Variants in DPY30 observed in about 807,000 individuals in gnomAD.
DPY30 encodes the protein dpy-30 histone methyltransferase complex regulatory subunit.
In DPY30, 6 loss-of-function variants were observed where a neutral mutation model predicts 16.2. The observed-to-expected ratio is 0.37, with a 90% CI of 0.20 to 0.73. The LOEUF is 0.73. DPY30 is among the 30% of genes least tolerant of loss of function. The pLI, the probability that DPY30 is intolerant of heterozygous loss-of-function variation, is 0.51. For missense variants in DPY30, 73 were observed against 113.1 expected, an observed-to-expected ratio of 0.65 and a Z score of 1.61; for synonymous variants, 39 against 38.8, an observed-to-expected ratio of 1.00 and a Z score of -0.02.
chr2:32,037,486 T>C (rs1041089589), intron 3 of DPY30, among the ~76,000 whole-genome samples: 2 of 152,036 alleles, frequency 1.3e-5, no homozygotes, highest in Non-Finnish European at 2.9e-5. Flanking sequence ...TTCTATTTTT[T>C]TGTAGAAACA....
chr2:32,034,149 C>T (rs932954240), intron 3 of DPY30, among the ~76,000 whole-genome samples: 2 of 152,172 alleles, frequency 1.3e-5, no homozygotes, highest in African/African-American at 4.8e-5. Context: ...TATTGCCTTC[C>T]AGTCTTCAGG....
downstream of DPY30, chr2:32,021,243 G>A (rs1431497596): frequency 6.6e-6 from 1 of 152,288 alleles, no homozygotes; most frequent in Non-Finnish European, 1.5e-5. Flanking sequence ...GGGCGACAGA[G>A]CGAGACTCCG....
intron 3 of DPY30, among the ~76,000 whole-genome samples, chr2:32,031,122 A>G (rs147651678): frequency 5.9e-5 from 9 of 152,284 alleles, no homozygotes; most frequent in Non-Finnish European, 1.0e-4. Flanking sequence ...TTTAAAACTA[A>G]TGTATTAAAA....
chr2:32,012,782 GATTACATGGTACTGTTCTGACAGTAC>G (rs1321767440), intron 5 of DPY30, among the ~76,000 whole-genome samples: 1 of 152,102 alleles, frequency 6.6e-6, no homozygotes, highest in Non-Finnish European at 1.5e-5. Context: ...CTTGAGCTCT[GATTACATGGTACTGTTCTGACAGTAC>G]CAAAACTCAG....
chr2:32,039,594 T>C (rs1210370258), intron 1 of DPY30, 102 bp from the exon 2 acceptor site: 1 of 1,142,384 alleles, frequency 8.8e-7, no homozygotes, highest in African/African-American at 1.5e-5. Context: ...CACCCCCACC[T>C]GGGCGCGGGA....
Position 32,039,764 on chromosome 2 carries a change from T to C in DPY30, c.-68A>G, listed in dbSNP as rs1675895972. Reference sequence around the variant, plus strand: ...CCAAGCCGTTCGTTCTTAAGAGCCCTGCACCGCGCCACCAGCTCCCAGCAC... The same window carrying C: ...CCAAGCCGTTCGTTCTTAAGAGCCCCGCACCGCGCCACCAGCTCCCAGCAC... On this transcript the variant is annotated 5_prime_UTR_variant, in exon 1 of 5. Coordinates refer to ENST00000342166, the MANE Select transcript of DPY30 (RefSeq NM_001321209.2). 4.5e-5 allele frequency: 21 copies of C among 466,664 alleles called. No homozygotes were observed. In the South Asian group the frequency reaches 5.3e-4, roughly 12 times the overall value. 28.9% of individuals were successfully genotyped at this position (466,664 alleles called of 1,614,324 possible).
rs577730956 is a variant in DPY30, at chr2:32,030,079, A to T, written c.85-343T>A. On this transcript the variant is annotated intron_variant, in intron 3 of 4. Transcript: ENST00000342166. ...AGTGTGTTCCCAAAAAAAAAAAAAA[A>T]AAATAATGAATGTAACACCAAACAG... is the stretch of plus-strand genomic sequence containing the variant. 1.4e-3 allele frequency among the ~76,000 whole-genome samples: 207 copies of T among 150,252 alleles called. 1 individual carries two copies. The highest frequency in any genetic ancestry group is 0.012 in the East Asian group (62 of 5,140).
chr2:32,017,520 G>A (rs1025437394), intron 5 of DPY30, among the ~76,000 whole-genome samples: 5 of 151,622 alleles, frequency 3.3e-5, no homozygotes, highest in South Asian at 2.1e-4. Flanking sequence ...GGGAGGCTGA[G>A]GCAGAAGAAG....
At chr2:32,035,307 T>C (rs1360922173) in intron 3 of DPY30, among the ~76,000 whole-genome samples, 1 of 151,426 alleles carries the variant, frequency 6.6e-6, no homozygotes, top group Non-Finnish European at 1.5e-5. Context: ...AATAAATAAA[T>C]AAACAAAAAC....
chr2:32,024,592 A>T (rs995294193), intron 4 of DPY30, among the ~76,000 whole-genome samples: 2 of 152,194 alleles, frequency 1.3e-5, no homozygotes, highest in African/African-American at 4.8e-5. Flanking sequence ...TGCTGGCAGT[A>T]TTCAGTTTCT....
Position 32,024,100 on chromosome 2 carries a change from A to T in DPY30, c.*84T>A. 1 of 1,548,276 alleles carries T rather than the reference A, an allele frequency of 6.5e-7. No homozygotes were observed. Among genetic ancestry groups the T allele is most frequent in the Non-Finnish European group, 8.7e-7 (1 of 1,149,752 alleles). On this transcript the variant is annotated 3_prime_UTR_variant, in exon 5 of 5. Coordinates refer to ENST00000342166, the MANE Select transcript of DPY30 (RefSeq NM_001321209.2). ...GGAAGGTTCTTATACATCCAAAAAG[A>T]GGGAATGATCATGGCAATTAAAGCT... is the stretch of plus-strand genomic sequence containing the variant.
At chr2:32,029,556 T>G in intron 4 of DPY30, 38 bp downstream of exon 4, 2 of 1,603,182 alleles carry the variant, frequency 1.2e-6, no homozygotes, top group African/African-American at 1.3e-5. Context: ...CTATTTTGCT[T>G]TCTTTACTAA....
chr2:32,036,901 C>A (rs1218864926), intron 3 of DPY30, among the ~76,000 whole-genome samples: 2 of 151,848 alleles, frequency 1.3e-5, no homozygotes. Context: ...CCAAGACACG[C>A]CACAACCAAA....
intron 4 of DPY30, among the ~76,000 whole-genome samples, chr2:32,027,531 CAAA>C (rs370515191): frequency 1.2e-4 from 8 of 68,868 alleles, no homozygotes; most frequent in Admixed American, 1.7e-4. Flanking sequence ...AACTCTGTCT[CAAA>C]AAAAAAAAAA....
chr2:32,021,481 C>G (rs1234087054), downstream of DPY30, among the ~76,000 whole-genome samples: 1 of 151,886 alleles, frequency 6.6e-6, no homozygotes, highest in African/African-American at 2.4e-5. Context: ...AGTTCAAGAC[C>G]AGCCTGGCCA....
At chr2:32,017,987 G>C (rs1319072441) in intron 5 of DPY30, among the ~76,000 whole-genome samples, 2 of 152,126 alleles carry the variant, frequency 1.3e-5, no homozygotes, top group Non-Finnish European at 2.9e-5. Context: ...GACAAAGCTA[G>C]GAGGTGCCAT....
At chr2:32,034,367 C>T (rs938617467) in intron 3 of DPY30, among the ~76,000 whole-genome samples, 5 of 152,110 alleles carry the variant, frequency 3.3e-5, no homozygotes, top group African/African-American at 7.2e-5. Context: ...AGCAATGAAT[C>T]GTGACAGAGA....
Position 32,029,448 on chromosome 2 carries a change from T to C in DPY30, c.227+146A>G, listed in dbSNP as rs189032488. On this transcript the variant is annotated intron_variant, in intron 4 of 4. Coordinates refer to ENST00000342166, the MANE Select transcript of DPY30 (RefSeq NM_001321209.2). ...GGAAAAAATTTAAATGTCTGAATTA[T>C]GAGATTATGGCTGAATACTTTCTTA... The C allele has an allele frequency of 9.8e-6, 9 of 922,472 alleles. No homozygotes were observed. In the East Asian group the frequency reaches 1.8e-4, roughly 19 times the overall value. The allele number at this position is 922,472 out of a possible 1,614,324, so 57.1% of individuals were successfully genotyped here. A position where few individuals can be genotyped will look rare whatever the true frequency, so the allele number is the denominator to read the frequency against.
chr2:32,015,978 C>T (rs1005775457), intron 5 of DPY30, among the ~76,000 whole-genome samples: 4 of 152,086 alleles, frequency 2.6e-5, no homozygotes, highest in African/African-American at 9.7e-5. Flanking sequence ...CAGCCTCCAC[C>T]GCCTCTAGGG....
Sources: gnomAD v4.1 joint callset for allele counts (sites outside exome capture counted in the v4.1 genomes callset) on GRCh38, gnomAD v4.1.1 for gene constraint, MANE v1.5 for transcripts, NCBI Gene and HGNC (gene_info 2026-07-23, HGNC 2026-07-21) for gene names.